The following SASH1 variants were observed in gnomAD, a reference collection of about 807,000 sequenced individuals.
SASH1 encodes the protein SAM and SH3 domain containing 1.
In SASH1, 44 loss-of-function variants were observed where a neutral mutation model predicts 125.2. The observed-to-expected ratio is 0.35, with a 90% CI of 0.28 to 0.45. The LOEUF (loss-of-function observed/expected upper bound fraction) is 0.45, where lower values mean the gene tolerates loss of function less well. SASH1 is among the 20% of genes least tolerant of loss of function. The pLI is 1.00. For missense variants in SASH1, 1,426 were observed against 1,614.5 expected (o/e 0.88, Z 2.00); for synonymous variants, 639 against 649.1 (o/e 0.98, Z 0.24).
intron 5 of SASH1, among the ~76,000 whole-genome samples, chr6:148,470,719 A>AT (rs757813263): frequency 1.3e-5 from 2 of 152,162 alleles, no homozygotes; most frequent in Non-Finnish European, 2.9e-5. Context: ...AGGGAGACCC[A>AT]TTTGGGAGAT....
chr6:148,442,374 A>G (rs1776581364), intron 4 of SASH1, among the ~76,000 whole-genome samples: 1 of 152,164 alleles, frequency 6.6e-6, no homozygotes, highest in Admixed American at 6.5e-5. Flanking sequence ...GCTTGGGTGA[A>G]AGAACAAGAC....
intron 8 of SASH1, among the ~76,000 whole-genome samples, chr6:148,491,176 C>T (rs1040117992): frequency 6.6e-6 from 1 of 152,142 alleles, no homozygotes; most frequent in East Asian, 1.9e-4. Context: ...AAATAGTGAC[C>T]CCCTTGGGCA....
intron 1 of SASH1, among the ~76,000 whole-genome samples, chr6:148,386,296 A>G (rs1562369540): frequency 6.6e-6 from 1 of 152,232 alleles, no homozygotes; most frequent in Non-Finnish European, 1.5e-5. Flanking sequence ...AAGGGGAAGA[A>G]AGTAGTTTGG....
chr6:148,251,351 C>A, the SASH1 span, among the ~76,000 whole-genome samples: 1 of 152,166 alleles, frequency 6.6e-6, no homozygotes, highest in Non-Finnish European at 1.5e-5. Context: ...TAAAAAGTAT[C>A]AATACCCCTG....
At chr6:148,423,064 G>C (rs181756414) in intron 2 of SASH1, among the ~76,000 whole-genome samples, 1 of 151,954 alleles carries the variant, frequency 6.6e-6, no homozygotes, top group Non-Finnish European at 1.5e-5. Flanking sequence ...TCAGCCTCCC[G>C]AGTAGCTGGG....
At chr6:148,453,455 G>A (rs1387442769) in intron 4 of SASH1, among the ~76,000 whole-genome samples, 1 of 152,128 alleles carries the variant, frequency 6.6e-6, no homozygotes, top group Non-Finnish European at 1.5e-5. Flanking sequence ...AATGCAGATG[G>A]TATTCTACAG....
chr6:148,206,905 T>C, the SASH1 span, among the ~76,000 whole-genome samples: 1 of 152,146 alleles, frequency 6.6e-6, no homozygotes, highest in African/African-American at 2.4e-5. Flanking sequence ...GGCATTTTGC[T>C]GTCCTCAGCC....
intron 1 of SASH1, among the ~76,000 whole-genome samples, chr6:148,377,215 C>A (rs1340417674): frequency 8.5e-4 from 111 of 129,902 alleles, no homozygotes; most frequent in African/African-American, 3.0e-3. Context: ...ACAAAACAAA[C>A]AAACAAACAA....
chr6:148,317,831 T>C (rs1780521596), intron 1 of SASH1, among the ~76,000 whole-genome samples: 1 of 152,244 alleles, frequency 6.6e-6, no homozygotes, highest in Admixed American at 6.5e-5. Context: ...TGCTGCCTTT[T>C]TGGAAATGCT....
At chr6:148,260,046 C>G in the SASH1 span, among the ~76,000 whole-genome samples, 9 of 152,134 alleles carry the variant, frequency 5.9e-5, no homozygotes, top group African/African-American at 2.2e-4. Context: ...ACCACTGCAC[C>G]TGGCCAAGTT....
chr6:148,449,396 T>C (rs1358977445), intron 4 of SASH1, among the ~76,000 whole-genome samples: 1 of 150,360 alleles, frequency 6.7e-6, no homozygotes, highest in Non-Finnish European at 1.5e-5. Flanking sequence ...TTTCTTTTTT[T>C]TTTTTTCTGA....
At chr6:148,307,054 T>G (rs1271931914) in intron 1 of SASH1, among the ~76,000 whole-genome samples, 1 of 146,048 alleles carries the variant, frequency 6.8e-6, no homozygotes, top group African/African-American at 2.6e-5. Flanking sequence ...CTTTCTTTCT[T>G]TCTTTCTTTC....
At chr6:148,419,899 C>CT (rs754318957) in intron 2 of SASH1, among the ~76,000 whole-genome samples, 69 of 152,252 alleles carry the variant, frequency 4.5e-4, no homozygotes, top group Non-Finnish European at 7.6e-4. Flanking sequence ...CAAGAAAATA[C>CT]TTTAATTCTT....
At chr6:148,355,177 A>G (rs1403919682) in intron 1 of SASH1, among the ~76,000 whole-genome samples, 1 of 152,238 alleles carries the variant, frequency 6.6e-6, no homozygotes, top group Non-Finnish European at 1.5e-5. Flanking sequence ...TTTATTCTGA[A>G]AAGGTAAAAC....
chr6:148,304,464 A>T (rs1780067462), intron 1 of SASH1, among the ~76,000 whole-genome samples: 1 of 145,682 alleles, frequency 6.9e-6, no homozygotes, highest in East Asian at 2.0e-4. Context: ...AAAAAAAATT[A>T]GCCGGGCATG....
chr6:148,414,715 G>A (rs1213710213), intron 2 of SASH1, among the ~76,000 whole-genome samples: 1 of 151,924 alleles, frequency 6.6e-6, no homozygotes, highest in Non-Finnish European at 1.5e-5. Flanking sequence ...GCCCAGGCTG[G>A]AGTGCAGTGA....
intron 5 of SASH1, among the ~76,000 whole-genome samples, 164 bp from the exon 6 acceptor site, chr6:148,471,253 A>G (rs570705007): frequency 6.6e-6 from 1 of 152,196 alleles, no homozygotes; most frequent in East Asian, 1.9e-4. Context: ...CTTTATAGGC[A>G]TCTCCCATTC....
chr6:148,341,497 T>C (rs1349070988), upstream of SASH1, among the ~76,000 whole-genome samples: 1 of 152,124 alleles, frequency 6.6e-6, no homozygotes, highest in Non-Finnish European at 1.5e-5. Context: ...TATCAGGGAT[T>C]GTGTTTATAA....
At chr6:148,437,415 C>T (rs1776336119) in intron 2 of SASH1, among the ~76,000 whole-genome samples, 1 of 152,152 alleles carries the variant, frequency 6.6e-6, no homozygotes. Context: ...AAAAACAAGT[C>T]ACTAGAAATA....
Sources: allele counts gnomAD v4.1 joint callset (sites outside exome capture counted in the v4.1 genomes callset), GRCh38; gene constraint gnomAD v4.1.1; transcripts MANE v1.5; gene names NCBI Gene and HGNC (gene_info 2026-07-23, HGNC 2026-07-21).